The following ARHGAP24 variants were observed in gnomAD, a reference collection of about 807,000 sequenced individuals.
ARHGAP24 encodes the protein Rho GTPase activating protein 24.
In ARHGAP24, 50 loss-of-function variants were observed where a neutral mutation model predicts 76.4. That is an observed-to-expected ratio of 0.65 (90% CI 0.52 to 0.83). The LOEUF is 0.83. ARHGAP24 is among the 40% of genes least tolerant of loss of function. The pLI is 0.00. For synonymous variants in ARHGAP24, 345 were observed against 323.3 expected, an observed-to-expected ratio of 1.07 and a Z score of -0.72; for missense variants, 930 against 914.2, an observed-to-expected ratio of 1.02 and a Z score of -0.22.
rs192316226 is a variant in ARHGAP24, at chr4:85,765,058, G to A, written c.268+43086G>A. On this transcript the variant is annotated intron_variant, in intron 3 of 9. Transcript: ENST00000395184. ...TCCATGCAATAGAAGTGGAACATTT[G>A]TTTGACTTTTTAAGTGAATGATTTA... Among the ~76,000 whole-genome samples, 11 of 152,130 alleles carry A rather than the reference G, an allele frequency of 7.2e-5. No homozygotes were observed. The East Asian group carries it at 2.1e-3, about 29-fold the overall frequency.
intron 7 of ARHGAP24, among the ~76,000 whole-genome samples, chr4:85,976,746 A>G (rs933067795): frequency 2.0e-5 from 3 of 150,500 alleles, no homozygotes; most frequent in African/African-American, 7.3e-5. Flanking sequence ...TATCATTAGA[A>G]CTGTGTTTTA....
At chr4:85,911,078 T>C (rs979511727) in intron 3 of ARHGAP24, among the ~76,000 whole-genome samples, 19 of 151,966 alleles carry the variant, frequency 1.3e-4, no homozygotes, top group Non-Finnish European at 2.4e-4. Flanking sequence ...TCCTCAAGAG[T>C]ACAGGAATGC....
chr4:85,727,218 T>C (rs1725200372), intron 3 of ARHGAP24, among the ~76,000 whole-genome samples: 2 of 151,942 alleles, frequency 1.3e-5, no homozygotes, highest in South Asian at 4.1e-4. Context: ...AGACTCCATC[T>C]CAAAAAATAA....
chr4:85,917,991 A>G (rs1391659291), intron 3 of ARHGAP24, among the ~76,000 whole-genome samples: 1 of 152,122 alleles, frequency 6.6e-6, no homozygotes, highest in East Asian at 1.9e-4. Flanking sequence ...CTGGGCTTTG[A>G]GCAACATAGG....
intron 3 of ARHGAP24, among the ~76,000 whole-genome samples, chr4:85,825,618 G>GCC (rs1349878793): frequency 6.6e-6 from 1 of 152,082 alleles, no homozygotes; most frequent in Non-Finnish European, 1.5e-5. Flanking sequence ...TTCTTCAATT[G>GCC]AAAAACAAGC....
chr4:85,667,305 G>A lies in ARHGAP24; in HGVS notation c.181-54580G>A, dbSNP rs550368245. ...ATGGGCATAGGACCCTCTGAGCCAG[G>A]TGCTGGATATAATCTCCTGGTGCGC... On this transcript the variant is annotated intron_variant, in intron 2 of 9. Transcript: ENST00000395184. 7.9e-5 allele frequency among the ~76,000 whole-genome samples: 12 copies of A among 152,306 alleles called. No homozygotes were observed. The South Asian group carries it at 2.5e-3, about 32-fold the overall frequency.
At chr4:85,484,322 A>G (rs570881947) in intron 1 of ARHGAP24, among the ~76,000 whole-genome samples, 1 of 152,328 alleles carries the variant, frequency 6.6e-6, no homozygotes, top group South Asian at 2.1e-4. Context: ...GTCAAATTAG[A>G]AATTATTAAA....
intron 8 of ARHGAP24, among the ~76,000 whole-genome samples, chr4:85,982,693 G>C (rs555679873): frequency 1.6e-4 from 25 of 152,168 alleles, no homozygotes; most frequent in Non-Finnish European, 2.9e-4. Context: ...TGTGTCTCTA[G>C]AGAAAATACT....
intron 2 of ARHGAP24, among the ~76,000 whole-genome samples, chr4:85,649,314 AC>A (rs1721847894): frequency 6.6e-6 from 1 of 152,048 alleles, no homozygotes; most frequent in South Asian, 2.1e-4. Context: ...GTTTTTAAAG[AC>A]ACTATTCTAT....
At chr4:85,827,347 A>G (rs758855269) in intron 3 of ARHGAP24, among the ~76,000 whole-genome samples, 16 of 152,212 alleles carry the variant, frequency 1.1e-4, no homozygotes, top group Non-Finnish European at 1.8e-4. Flanking sequence ...CAAATACTTC[A>G]ATTTTCTAAG....
intron 1 of ARHGAP24, among the ~76,000 whole-genome samples, chr4:85,508,019 T>C (rs1380181907): frequency 1.3e-5 from 2 of 151,730 alleles, no homozygotes; most frequent in East Asian, 1.9e-4. Context: ...TCCATGGACA[T>C]TTTTATATCT....
intron 2 of ARHGAP24, among the ~76,000 whole-genome samples, chr4:85,601,491 C>T (rs1266398054): frequency 6.6e-6 from 1 of 152,092 alleles, no homozygotes; most frequent in Admixed American, 6.6e-5. Context: ...ATTGGTGTGT[C>T]CTGTGCGTTG....
intron 3 of ARHGAP24, among the ~76,000 whole-genome samples, chr4:85,819,750 G>T (rs149545637): frequency 6.6e-6 from 1 of 152,036 alleles, no homozygotes; most frequent in African/African-American, 2.4e-5. Context: ...GAAACCCCAT[G>T]TCTACTTGAA....
chr4:85,889,240 A>T (rs1468666018), intron 3 of ARHGAP24, among the ~76,000 whole-genome samples: 1 of 152,208 alleles, frequency 6.6e-6, no homozygotes, highest in Non-Finnish European at 1.5e-5. Context: ...GTATAACAGG[A>T]ACTTAACTTC....
intron 3 of ARHGAP24, among the ~76,000 whole-genome samples, chr4:85,893,961 A>T (rs1313967640): frequency 2.5e-5 from 1 of 39,268 alleles, no homozygotes; most frequent in African/African-American, 1.0e-4. Flanking sequence ...GGGTGGGGGG[A>T]GGGGGGAGGG....
Position 85,923,666 on chromosome 4 carries a change from T to G in ARHGAP24, c.287T>G (p.Met96Arg), listed in dbSNP as rs777345854. The G allele has an allele frequency of 6.2e-7, 1 of 1,613,850 alleles. No homozygotes were observed. Residue 96 changes from methionine to arginine, a missense_variant, in exon 4 of 10, where the codon ATG becomes AGG. Transcript: ENST00000395184. ...EVVPGGDRDR[M>R]TANHESYLLM... ...TTCACAGGAGGCGATCGAGATCGGA[T>G]GACAGCAAATCATGAAAGCTACCTC... is the stretch of plus-strand genomic sequence containing the variant.
At chr4:85,908,298 G>A (rs1357755587) in intron 3 of ARHGAP24, among the ~76,000 whole-genome samples, 2 of 152,002 alleles carry the variant, frequency 1.3e-5, no homozygotes, top group Non-Finnish European at 2.9e-5. Context: ...TGTCTTCTTT[G>A]CCATCTTCCT....
At chr4:85,532,898 GATCA>G (rs1725326299) in intron 1 of ARHGAP24, among the ~76,000 whole-genome samples, 1 of 145,756 alleles carries the variant, frequency 6.9e-6, no homozygotes, top group African/African-American at 2.8e-5. Context: ...TCTATTCACT[GATCA>G]ATGCAGCTCT....
intron 2 of ARHGAP24, among the ~76,000 whole-genome samples, chr4:85,576,677 C>T (rs1727389888): frequency 6.6e-6 from 1 of 152,064 alleles, no homozygotes; most frequent in African/African-American, 2.4e-5. Context: ...TGTGTGTCAT[C>T]ATAAATTCTT....
Sources: gnomAD v4.1 joint callset for allele counts (sites outside exome capture counted in the v4.1 genomes callset) on GRCh38, gnomAD v4.1.1 for gene constraint, MANE v1.5 for transcripts, NCBI Gene and HGNC (gene_info 2026-07-23, HGNC 2026-07-21) for gene names.